THAP9: variants seen among roughly 807,000 people sequenced by gnomAD.
The protein encoded by THAP9 is DNA transposase THAP9.
A neutral mutation model predicts 35.7 loss-of-function variants in THAP9; 20 were observed. The observed-to-expected ratio is 0.56, with a 90% CI of 0.39 to 0.81. The LOEUF is 0.81. Among genes scored for constraint, THAP9 ranks in the 40% least tolerant of loss-of-function variants. THAP9 has a pLI of 0.00. For missense variants in THAP9, 870 were observed against 1,047.4 expected, an observed-to-expected ratio of 0.83 and a Z score of 2.34; for synonymous variants, 335 against 373.7, an observed-to-expected ratio of 0.90 and a Z score of 1.19.
chr4:82,908,058 A>G (rs1720725667), intron 4 of THAP9, 123 bp downstream of exon 4: 1 of 1,060,116 alleles, frequency 9.4e-7, no homozygotes, highest in Non-Finnish European at 1.3e-6. Flanking sequence ...TTACTTATTA[A>G]GGCTATTAGT....
chr4:82,913,494 A>G (rs1328553214), intron 4 of THAP9: 1 of 152,244 alleles, frequency 6.6e-6, no homozygotes, highest in African/African-American at 2.4e-5. Context: ...ACACTTGGAA[A>G]GAGCTTTCAA....
At chr4:82,907,351 ATT>A (rs34019572) in intron 3 of THAP9, among the ~76,000 whole-genome samples, 3 of 149,738 alleles carry the variant, frequency 2.0e-5, no homozygotes, top group Admixed American at 1.3e-4. Context: ...CAGGAACAGA[ATT>A]TTTTTTTTTT....
In THAP9 at chr4:82,919,233, A is replaced by G. The variant is rs1161224949; in HGVS notation, c.*309A>G. On this transcript the variant is annotated 3_prime_UTR_variant, in exon 5 of 5. Transcript: ENST00000302236. ...ACTGGACACAGTTTTAACTTGTTCA[A>G]TCTGCTTCAAAAACAAGAAAAACAA... The G allele has an allele frequency of 7.3e-5, 14 of 191,000 alleles. No individual in the cohort carries two copies. Among genetic ancestry groups the G allele is most frequent in the South Asian group, 1.6e-4 (1 of 6,304 alleles). 11.8% of individuals were successfully genotyped at this position (191,000 alleles called of 1,614,324 possible).
intron 4 of THAP9, chr4:82,910,622 AAC>A (rs1043015054): frequency 7.2e-6 from 3 of 414,950 alleles, no homozygotes; most frequent in Non-Finnish European, 1.1e-5. Context: ...TGATGTTTTT[AAC>A]ACAGTTATCT....
At chr4:82,902,811 A>G (rs1037335362) in intron 1 of THAP9, among the ~76,000 whole-genome samples, 2 of 152,236 alleles carry the variant, frequency 1.3e-5, no homozygotes, top group African/African-American at 4.8e-5. Context: ...GGAAAGATCG[A>G]ACTTTGGATA....
chr4:82,915,505 C>T (rs1433854700), intron 4 of THAP9, among the ~76,000 whole-genome samples: 1 of 152,142 alleles, frequency 6.6e-6, no homozygotes, highest in African/African-American at 2.4e-5. Context: ...GATTTGCCCA[C>T]CTCAGCCTCC....
At position 82,919,804 on chromosome 4, in the gene THAP9, A is replaced by G. The variant is rs1367797747; in HGVS notation, c.*880A>G. ...TTCACAAATGAGGATAGTTTAACGGATAGAAGAAACAAGCACATTATTCAC... is the reference window on the plus strand; with the variant it reads ...TTCACAAATGAGGATAGTTTAACGGGTAGAAGAAACAAGCACATTATTCAC... On this transcript the variant is annotated 3_prime_UTR_variant, in exon 5 of 5. Coordinates refer to ENST00000302236, the MANE Select transcript of THAP9 (RefSeq NM_024672.6). 1 of 152,260 alleles carries G rather than the reference A, an allele frequency of 6.6e-6. No homozygotes were observed. The highest frequency in any genetic ancestry group is 1.5e-5 in the Non-Finnish European group (1 of 68,032). The allele number at this position is 152,260 out of a possible 1,614,324, so 9.4% of individuals were successfully genotyped here.
chr4:82,900,890 T>C lies in THAP9; in HGVS notation c.80+8T>C, dbSNP rs1720305986. The C allele has an allele frequency of 2.5e-6, 4 of 1,613,068 alleles. No homozygotes were observed. The highest frequency in any genetic ancestry group is 3.4e-6 in the Non-Finnish European group (4 of 1,179,900). On this transcript the variant is annotated splice_region_variant and intron_variant, in intron 1 of 4. Transcript: ENST00000302236. Reference sequence around the variant, plus strand: ...CGGCCTCTCCTTCCACCAGTGCGTATGGGAGCAGCCTCGAAGCCTTCGAAC... The same window carrying C: ...CGGCCTCTCCTTCCACCAGTGCGTACGGGAGCAGCCTCGAAGCCTTCGAAC...
intron 1 of THAP9, among the ~76,000 whole-genome samples, chr4:82,901,697 A>G (rs963181771): frequency 2.4e-5 from 3 of 127,228 alleles, no homozygotes; most frequent in African/African-American, 9.6e-5. Context: ...TAGGCTATGT[A>G]TAAAATTCAT....
chr4:82,913,111 G>A (rs938724242), intron 4 of THAP9: 7 of 151,778 alleles, frequency 4.6e-5, no homozygotes, highest in Admixed American at 1.3e-4. Flanking sequence ...TTTCAGAGAC[G>A]AAAAGAGATT....
chr4:82,916,911 T>G, intron 4 of THAP9, 33 bp from the exon 5 acceptor site: 1 of 1,480,672 alleles, frequency 6.8e-7, no homozygotes, highest in Non-Finnish European at 9.0e-7. Flanking sequence ...TTTATTTCTC[T>G]TTGAGTGTTC....
intron 4 of THAP9, among the ~76,000 whole-genome samples, chr4:82,911,366 C>T (rs544169444): frequency 2.0e-5 from 3 of 151,776 alleles, no homozygotes; most frequent in Non-Finnish European, 4.4e-5. Flanking sequence ...CTGTGGAGGA[C>T]GGACCACGAG....
At chr4:82,902,263 CTT>C (rs756304657) in intron 1 of THAP9, among the ~76,000 whole-genome samples, 14 of 137,392 alleles carry the variant, frequency 1.0e-4, no homozygotes, top group Admixed American at 1.5e-4. Context: ...ACCATCCCGG[CTT>C]TTTTTTTTTT....
chr4:82,903,737 G>A (rs1720521965), intron 1 of THAP9, among the ~76,000 whole-genome samples: 1 of 152,210 alleles, frequency 6.6e-6, no homozygotes, highest in South Asian at 2.1e-4. Flanking sequence ...GAATTCAGGA[G>A]TGTAGCTCGA....
Position 82,906,556 on chromosome 4 carries a change from T to A in THAP9, c.509T>A (p.Leu170Ter), listed in dbSNP as rs1487029206. 1.2e-6 allele frequency: 2 copies of A among 1,613,218 alleles called. No homozygotes were observed. Among genetic ancestry groups the A allele is most frequent in the Non-Finnish European group, 1.7e-6 (2 of 1,179,584 alleles). Reference protein sequence around the residue: ...RMIKKRKGLRLIDALVEEKLL... With the variant: ...RMIKKRKGLR ...ATCAAGAAGAGAAAGGGTTTACGAT[T>A]AATTGATGCACTTGTAGAAGAGAAA... Residue 170 changes from leucine (L) to a stop codon, truncating the protein, a stop_gained, in exon 3 of 5, where the codon TTA becomes TAA. Coordinates refer to ENST00000302236, the MANE Select transcript of THAP9 (RefSeq NM_024672.6). LOFTEE classifies it high-confidence loss of function.
rs553431871 is a variant in THAP9 at position 82,917,410 on chromosome 4, C to G, written c.1198C>G (p.Gln400Glu). 2 of 1,613,952 alleles carry G rather than the reference C, an allele frequency of 1.2e-6. No homozygotes were observed. Among genetic ancestry groups the G allele is most frequent in the South Asian group, 2.2e-5 (2 of 91,068 alleles). The stretch of plus-strand genomic sequence containing the variant: ...TGGAGACGACATGAAATGTACATTT[C>G]AGCATCCTTCATCTTCTAGTCAACA... ...IDGDDMKCTF[Q>E]HPSSSSQQIA... is the part of the protein sequence containing the mutation. The change falls in exon 5 of 5, where the codon CAG becomes GAG. Residue 400 changes from glutamine (Q) to glutamate (E), a missense_variant. Around this residue, in one of 3 missense-constraint regions of THAP9, gnomAD observed 440 missense variants for 501.2 expected, o/e 0.88. Coordinates refer to ENST00000302236, the MANE Select transcript of THAP9 (RefSeq NM_024672.6).
intron 4 of THAP9, among the ~76,000 whole-genome samples, chr4:82,912,132 G>GT (rs1030780852): frequency 1.3e-5 from 2 of 152,026 alleles, no homozygotes; most frequent in African/African-American, 4.8e-5. Context: ...CCAAAGCTGT[G>GT]TTTTTTACAA....
chr4:82,912,530 G>T (rs1196377765), intron 4 of THAP9, among the ~76,000 whole-genome samples: 3 of 152,156 alleles, frequency 2.0e-5, no homozygotes, highest in Non-Finnish European at 4.4e-5. Context: ...TTGTATATTG[G>T]TTTGTTAATT....
intron 4 of THAP9, 79 bp from the exon 5 acceptor site, chr4:82,916,865 C>T: frequency 1.5e-6 from 2 of 1,329,034 alleles, no homozygotes; most frequent in Non-Finnish European, 2.0e-6. Flanking sequence ...TGGGAGACTA[C>T]TTTAATAGTG....
Sources: allele counts gnomAD v4.1 joint callset (sites outside exome capture counted in the v4.1 genomes callset), GRCh38; gene constraint gnomAD v4.1.1; regional missense constraint gnomAD v4.1.1; transcripts MANE v1.5; gene names NCBI Gene and HGNC (gene_info 2026-07-23, HGNC 2026-07-21).